Variants in TEAD1 observed in about 807,000 individuals in gnomAD.
TEAD1 encodes TEA domain transcription factor 1, also known as transcriptional enhancer factor TEF-1.
TEAD1 carries 9 observed loss-of-function variants against 54.9 expected under a neutral mutation model. The ratio of observed to expected loss-of-function variants is 0.16; its 90% CI spans 0.10 to 0.29. The LOEUF is 0.29. Ranked by LOEUF, TEAD1 falls within the 10% of genes least tolerant of loss-of-function variation. TEAD1 has a pLI of 1.00. For missense variants in TEAD1, 387 were observed against 535.9 expected (o/e 0.72, Z 2.74); for synonymous variants, 200 against 187.8 (o/e 1.07, Z -0.53).
chr11:12,845,666 T>A (rs988241995), intron 3 of TEAD1, among the ~76,000 whole-genome samples: 1 of 152,220 alleles, frequency 6.6e-6, no homozygotes, highest in Admixed American at 6.5e-5. Context: ...AACCGTACTG[T>A]TGTTGTAAAA....
intron 8 of TEAD1, among the ~76,000 whole-genome samples, chr11:12,882,558 C>T (rs1017960013): frequency 2.0e-5 from 3 of 152,248 alleles, no homozygotes; most frequent in East Asian, 1.9e-4. Flanking sequence ...GCCCTGTGCC[C>T]GAGTGCTACG....
chr11:12,848,612 A>G (rs2134046761), intron 3 of TEAD1, among the ~76,000 whole-genome samples: 2 of 152,240 alleles, frequency 1.3e-5, no homozygotes, highest in Middle Eastern at 6.8e-3. Context: ...TGAGCTAGGT[A>G]GAATTAGGTG....
At chr11:12,800,823 T>TAGTCTCATAGATTTCTAAG (rs1946042726) in intron 3 of TEAD1, among the ~76,000 whole-genome samples, 1 of 152,238 alleles carries the variant, frequency 6.6e-6, no homozygotes, top group East Asian at 1.9e-4. Flanking sequence ...AGCACAAGGC[T>TAGTCTCATAGATTTCTAAG]AGTCTCATAG....
intron 3 of TEAD1, among the ~76,000 whole-genome samples, chr11:12,796,115 T>C (rs1945914340): frequency 6.6e-6 from 1 of 152,158 alleles, no homozygotes; most frequent in African/African-American, 2.4e-5. Flanking sequence ...GTGTACGGAA[T>C]TTATTTCAGA....
intron 1 of TEAD1, among the ~76,000 whole-genome samples, 200 bp downstream of exon 1, chr11:12,675,034 C>T (rs2133801498): frequency 6.8e-6 from 1 of 147,556 alleles, no homozygotes; most frequent in Non-Finnish European, 1.5e-5. Context: ...CCGGGCGCCG[C>T]CGCGCGACTT....
chr11:12,788,089 A>G (rs1945717394), intron 3 of TEAD1, among the ~76,000 whole-genome samples: 1 of 149,508 alleles, frequency 6.7e-6, no homozygotes, highest in Non-Finnish European at 1.5e-5. Flanking sequence ...CAGCTTCCTG[A>G]GTAGCTGGGA....
At chr11:12,779,657 T>A (rs1390114950) in intron 3 of TEAD1, among the ~76,000 whole-genome samples, 1 of 152,182 alleles carries the variant, frequency 6.6e-6, no homozygotes, top group Non-Finnish European at 1.5e-5. Flanking sequence ...CTAATATCCC[T>A]TATGAATATA....
At chr11:12,720,774 G>A (rs1293398411) in intron 2 of TEAD1, among the ~76,000 whole-genome samples, 1 of 152,136 alleles carries the variant, frequency 6.6e-6, no homozygotes, top group African/African-American at 2.4e-5. Context: ...TTGAAGAATG[G>A]CATCAGCACT....
At chr11:12,704,384 C>T (rs537160327) in intron 2 of TEAD1, among the ~76,000 whole-genome samples, 3 of 152,386 alleles carry the variant, frequency 2.0e-5, no homozygotes, top group African/African-American at 7.2e-5. Flanking sequence ...GCCTCCTGGC[C>T]AGTCAACCAT....
chr11:12,736,254 T>G (rs979537978), intron 2 of TEAD1, among the ~76,000 whole-genome samples: 1 of 152,222 alleles, frequency 6.6e-6, no homozygotes, highest in African/African-American at 2.4e-5. Context: ...TGGACATGTG[T>G]ACAGCCTTTT....
At chr11:12,850,273 T>C (rs1020647591) in intron 3 of TEAD1, among the ~76,000 whole-genome samples, 6 of 152,254 alleles carry the variant, frequency 3.9e-5, no homozygotes, top group Non-Finnish European at 7.4e-5. Flanking sequence ...CTGTCTCTAC[T>C]AAATAACAAA....
chr11:12,854,431 G>GTC (rs1038432797), intron 3 of TEAD1, among the ~76,000 whole-genome samples: 11 of 152,230 alleles, frequency 7.2e-5, no homozygotes, highest in Admixed American at 5.9e-4. Flanking sequence ...TCATCTTATA[G>GTC]TCTCATTCAG....
chr11:12,680,463 T>G (rs937860110), intron 2 of TEAD1, among the ~76,000 whole-genome samples: 1 of 152,154 alleles, frequency 6.6e-6, no homozygotes, highest in Non-Finnish European at 1.5e-5. Context: ...GAGCCAAGTG[T>G]TTTAAATAGC....
At chr11:12,847,864 A>G (rs1947188586) in intron 3 of TEAD1, among the ~76,000 whole-genome samples, 1 of 152,152 alleles carries the variant, frequency 6.6e-6, no homozygotes, top group African/African-American at 2.4e-5. Flanking sequence ...GCTGTCCTGA[A>G]TCTAAGCTCA....
chr11:12,693,953 A>G (rs1434653721), intron 2 of TEAD1, among the ~76,000 whole-genome samples: 1 of 152,182 alleles, frequency 6.6e-6, no homozygotes, highest in Non-Finnish European at 1.5e-5. Context: ...CTGCCTTTGT[A>G]AGCGGTAGGA....
chr11:12,933,556 T>C (rs893142565), intron 12 of TEAD1, among the ~76,000 whole-genome samples: 1 of 152,170 alleles, frequency 6.6e-6, no homozygotes, highest in African/African-American at 2.4e-5. Context: ...TTTTATTATT[T>C]TTATTATGTC....
intron 3 of TEAD1, among the ~76,000 whole-genome samples, chr11:12,844,009 C>T (rs1947091303): frequency 6.6e-6 from 1 of 152,098 alleles, no homozygotes; most frequent in Admixed American, 6.6e-5. Flanking sequence ...GTTGTGAAGT[C>T]CTCTTATAGC....
In TEAD1 at chr11:12,939,909, C is replaced by A. The variant is rs1484441579; in HGVS notation, c.*2687C>A. The A allele has an allele frequency of 6.6e-6, 1 of 152,214 alleles. No individual in the cohort carries two copies. Among genetic ancestry groups the A allele is most frequent in the Admixed American group, 6.5e-5 (1 of 15,282 alleles). 9.4% of individuals were successfully genotyped at this position (152,214 alleles called of 1,614,324 possible). A position where few individuals can be genotyped will look rare whatever the true frequency, so the allele number is the denominator to read the frequency against. ...TAATCTGAGTCTGTCTTTTGTCCTT[C>A]ATTCTGTATGGCAGTCTCCCTTTGT... On this transcript the variant is annotated 3_prime_UTR_variant, in exon 13 of 13. Transcript: ENST00000527636.
In TEAD1 at chr11:12,748,909, G is replaced by C. The variant is rs886178476; in HGVS notation, c.-54-15270G>C. Among the ~76,000 whole-genome samples, 6 of 152,206 alleles carry C rather than the reference G, an allele frequency of 3.9e-5. 1 individual carries two copies. In the South Asian group the frequency reaches 1.2e-3, roughly 32 times the overall value. ...AATGGACGTTCTTGGTGATCATTTA[G>C]ATCAGGAGGGGAGGAGGGGAACCTA... On this transcript the variant is annotated intron_variant, in intron 2 of 12. Coordinates refer to ENST00000527636, the MANE Select transcript of TEAD1 (RefSeq NM_021961.6).
Sources: allele counts gnomAD v4.1 joint callset (sites outside exome capture counted in the v4.1 genomes callset), GRCh38; gene constraint gnomAD v4.1.1; transcripts MANE v1.5; gene names NCBI Gene and HGNC (gene_info 2026-07-23, HGNC 2026-07-21).